Variants in CMSS1 observed in about 807,000 individuals in gnomAD.
CMSS1 encodes protein CMSS1.
A neutral mutation model predicts 43.5 loss-of-function variants in CMSS1; 33 were observed. The ratio of observed to expected loss-of-function variants is 0.76; its 90% CI spans 0.57 to 1.01. The LOEUF is 1.01. Ranked by LOEUF, CMSS1 falls within the 50% of genes least tolerant of loss-of-function variation. The pLI is 0.00. For synonymous variants in CMSS1, 115 were observed against 117.2 expected (o/e 0.98, Z 0.12); for missense variants, 313 against 326.4 (o/e 0.96, Z 0.32).
chr3:100,056,862 G>T (rs1043687564), intron 1 of CMSS1, among the ~76,000 whole-genome samples: 9 of 152,086 alleles, frequency 5.9e-5, no homozygotes, highest in African/African-American at 1.4e-4. Flanking sequence ...AAATTAGCCG[G>T]GTGTGATGGC....
chr3:100,119,591 CAT>C (rs1364283532), intron 1 of CMSS1, among the ~76,000 whole-genome samples: 2 of 152,216 alleles, frequency 1.3e-5, no homozygotes, highest in African/African-American at 4.8e-5. Flanking sequence ...AGAATTGATG[CAT>C]CTTTGAATGG....
At chr3:100,128,080 G>C (rs2066677110) in intron 1 of CMSS1, among the ~76,000 whole-genome samples, 1 of 152,202 alleles carries the variant, frequency 6.6e-6, no homozygotes, top group South Asian at 2.1e-4. Context: ...TGTCAAGCCT[G>C]GGCTATGAAA....
In CMSS1 at chr3:100,117,825, GTATATATATATA is replaced by G. The variant is rs1166983737; in HGVS notation, c.65-29131_65-29120del. 1.2e-4 allele frequency among the ~76,000 whole-genome samples: 9 copies of G among 75,164 alleles called. No individual in the cohort carries two copies. In the East Asian group the frequency reaches 1.3e-3, roughly 11 times the overall value. 49.3% of individuals were successfully genotyped at this position (75,164 alleles called of 152,430 possible). ...TCCATCAATGGATAGATAAACTGCA[GTATATATATATA>G]TATATATATATATATACATATATAT... On this transcript the variant is annotated intron_variant, in intron 1 of 9. Coordinates refer to ENST00000421999, the MANE Select transcript of CMSS1 (RefSeq NM_032359.4).
At chr3:100,171,987 A>G (rs988388302) in intron 7 of CMSS1, 88 bp downstream of exon 7, 25 of 993,170 alleles carry the variant, frequency 2.5e-5, no homozygotes, top group Non-Finnish European at 3.7e-5. Context: ...TCCTTAGCAC[A>G]TATTTTATTG....
At chr3:99,849,775 C>G (rs1279025395) in intron 1 of CMSS1, 7 of 1,613,468 alleles carry the variant, frequency 4.3e-6, no homozygotes, top group East Asian at 2.2e-5. Context: ...CAGTTTCAGT[C>G]TTTCCACTTC....
At chr3:99,996,210 C>G (rs991622246) in intron 1 of CMSS1, among the ~76,000 whole-genome samples, 16 of 152,138 alleles carry the variant, frequency 1.1e-4, no homozygotes, top group African/African-American at 3.9e-4. Context: ...AATCATCTCT[C>G]TCAAGTTCAA....
chr3:99,987,188 C>T (rs1309722250), intron 1 of CMSS1, among the ~76,000 whole-genome samples: 1 of 149,158 alleles, frequency 6.7e-6, no homozygotes, highest in African/African-American at 2.5e-5. Context: ...CAAGGCCATG[C>T]CATGCACTCC....
At chr3:100,147,657 T>C (rs965698328) in intron 2 of CMSS1, among the ~76,000 whole-genome samples, 2 of 152,216 alleles carry the variant, frequency 1.3e-5, no homozygotes, top group Admixed American at 6.5e-5. Flanking sequence ...TCCAGCCTTA[T>C]GCTTTTGGGT....
intron 1 of CMSS1, among the ~76,000 whole-genome samples, chr3:100,046,376 G>A (rs1290998919): frequency 6.6e-6 from 1 of 151,814 alleles, no homozygotes; most frequent in Non-Finnish European, 1.5e-5. Context: ...GTAGTTAAAA[G>A]TATCAGGTTG....
At chr3:100,136,284 G>GA (rs200459328) in intron 1 of CMSS1, among the ~76,000 whole-genome samples, 2,081 of 150,708 alleles carry the variant, frequency 0.014, 43 homozygotes, top group African/African-American at 0.045. Context: ...ATGATAACTA[G>GA]AAAAAAAAAC....
intron 1 of CMSS1, among the ~76,000 whole-genome samples, chr3:99,825,216 T>C (rs1175597666): frequency 6.6e-6 from 1 of 152,244 alleles, no homozygotes; most frequent in Admixed American, 6.5e-5. Context: ...TTCATAATCA[T>C]TCGTCAAGCT....
chr3:99,996,417 C>A (rs1709682161), intron 1 of CMSS1, among the ~76,000 whole-genome samples: 1 of 152,164 alleles, frequency 6.6e-6, no homozygotes, highest in South Asian at 2.1e-4. Context: ...TTCCAACTTT[C>A]CCACATTTTC....
intron 1 of CMSS1, among the ~76,000 whole-genome samples, chr3:99,988,367 G>T (rs1443676545): frequency 3.6e-5 from 5 of 139,574 alleles, no homozygotes; most frequent in Admixed American, 3.6e-4. Context: ...AAAAAAATTA[G>T]CCAGGCATGG....
In CMSS1 at chr3:99,924,413, G is replaced by A. The variant is rs191193772; in HGVS notation, c.64+106370G>A. On this transcript the variant is annotated intron_variant, in intron 1 of 9. Coordinates refer to ENST00000421999, the MANE Select transcript of CMSS1 (RefSeq NM_032359.4). ...TTTTTCCACAACTTTGTCCAACTAC[G>A]AAAGAAAACATTTATAGCCTGTTAC... 4,250 of 1,612,986 alleles carry A rather than the reference G, an allele frequency of 2.6e-3. 14 individuals are homozygous for A. Among genetic ancestry groups the A allele is most frequent in the Non-Finnish European group, 3.3e-3 (3,911 of 1,179,374 alleles).
At chr3:99,973,218 C>A (rs547696930) in intron 1 of CMSS1, among the ~76,000 whole-genome samples, 7 of 152,104 alleles carry the variant, frequency 4.6e-5, no homozygotes, top group African/African-American at 1.7e-4. Flanking sequence ...ACATCATAAA[C>A]AAAATGAATA....
chr3:99,976,206 G>C (rs1380105231), intron 1 of CMSS1, among the ~76,000 whole-genome samples: 1 of 152,152 alleles, frequency 6.6e-6, no homozygotes, highest in Admixed American at 6.5e-5. Context: ...AAAGCACTTA[G>C]AAGGTGGAAC....
intron 1 of CMSS1, among the ~76,000 whole-genome samples, chr3:99,894,235 A>T (rs1208151642): frequency 6.6e-6 from 1 of 152,224 alleles, no homozygotes; most frequent in Non-Finnish European, 1.5e-5. Flanking sequence ...CATAAATAAA[A>T]TACTCTTTCA....
At chr3:100,063,494 A>T (rs946818992) in intron 1 of CMSS1, among the ~76,000 whole-genome samples, 1 of 151,906 alleles carries the variant, frequency 6.6e-6, no homozygotes, top group Non-Finnish European at 1.5e-5. Context: ...AATTTACTTT[A>T]AAAAAAAGAA....
At chr3:99,875,643 G>A (rs1178122814) in intron 1 of CMSS1, among the ~76,000 whole-genome samples, 1 of 152,132 alleles carries the variant, frequency 6.6e-6, no homozygotes, top group Non-Finnish European at 1.5e-5. Context: ...TTTACAAAAA[G>A]AGGGGAAAAC....
Sources: gnomAD v4.1 joint callset for allele counts (sites outside exome capture counted in the v4.1 genomes callset) on GRCh38, gnomAD v4.1.1 for gene constraint, MANE v1.5 for transcripts, NCBI Gene and HGNC (gene_info 2026-07-23, HGNC 2026-07-21) for gene names.